The following MYO16 variants were observed in gnomAD, a reference collection of about 807,000 sequenced individuals.
MYO16 encodes unconventional myosin-XVI.
MYO16 carries 94 observed loss-of-function variants against 205.3 expected under a neutral mutation model. That is an observed-to-expected ratio of 0.46 (90% CI 0.39 to 0.54). The LOEUF (loss-of-function observed/expected upper bound fraction) is 0.54, where lower values mean the gene tolerates loss of function less well. Ranked by LOEUF, MYO16 falls within the 20% of genes least tolerant of loss-of-function variation. The probability of loss-of-function intolerance (pLI) is 0.00; values close to 1 mark genes in which losing one functional copy is unlikely to be tolerated. For synonymous variants in MYO16, 988 were observed against 954.0 expected (o/e 1.04, Z -0.66); for missense variants, 2,315 against 2,387.5 (o/e 0.97, Z 0.63).
At chr13:108,845,821 A>C (rs1432166897) in intron 10 of MYO16, among the ~76,000 whole-genome samples, 3 of 152,070 alleles carry the variant, frequency 2.0e-5, no homozygotes, top group Non-Finnish European at 4.4e-5. Flanking sequence ...GGCTCTAGTG[A>C]TGCTTCTGCC....
At chr13:108,936,109 C>CTTCCTTCT (rs1436676599) in intron 16 of MYO16, among the ~76,000 whole-genome samples, 2 of 143,292 alleles carry the variant, frequency 1.4e-5, no homozygotes, top group Non-Finnish European at 3.0e-5. Context: ...TCCTTCCTTC[C>CTTCCTTCT]TTCCTTCCTT....
chr13:108,668,799 C>T (rs115808094), intron 2 of MYO16, among the ~76,000 whole-genome samples: 1 of 152,132 alleles, frequency 6.6e-6, no homozygotes, highest in African/African-American at 2.4e-5. Context: ...CCAGAGGCAG[C>T]TCACTAGTAA....
intron 9 of MYO16, 62 bp downstream of exon 9, chr13:108,823,340 C>A: frequency 1.4e-6 from 2 of 1,478,260 alleles, no homozygotes; most frequent in South Asian, 1.3e-5. Flanking sequence ...ATTTTAGAGC[C>A]CATATTAAGT....
At chr13:109,192,052 T>G (rs970885407) in intron 34 of MYO16, among the ~76,000 whole-genome samples, 25 of 152,198 alleles carry the variant, frequency 1.6e-4, no homozygotes, top group African/African-American at 6.0e-4. Flanking sequence ...TATGCTGAAA[T>G]AGAGTCAGCT....
the MYO16 span, among the ~76,000 whole-genome samples, chr13:108,496,556 C>A: frequency 3.3e-5 from 5 of 152,186 alleles, no homozygotes; most frequent in African/African-American, 1.2e-4. Context: ...CGGGGGGCGT[C>A]GAGCCTCAGC....
chr13:108,579,858 T>C, the MYO16 span, among the ~76,000 whole-genome samples: 82 of 152,320 alleles, frequency 5.4e-4, 1 homozygote, highest in Non-Finnish European at 9.3e-4. Flanking sequence ...TTAATGCATA[T>C]AGCTGGCCAC....
At position 109,144,251 on chromosome 13, in the gene MYO16, G is replaced by A. The variant is rs550986827; in HGVS notation, c.5164+2875G>A. 1.2e-4 allele frequency among the ~76,000 whole-genome samples: 19 copies of A among 152,174 alleles called. No homozygotes were observed. In the South Asian group the frequency reaches 3.9e-3, roughly 32 times the overall value. ...GCTGGTCTTGAACTCCTGACCTCAG[G>A]TGATCTGCCCGCCTCAGCCTCCCAA... On this transcript the variant is annotated intron_variant, in intron 32 of 34. Transcript: ENST00000457511.
intron 4 of MYO16, among the ~76,000 whole-genome samples, chr13:108,749,626 G>A (rs2139631849): frequency 6.6e-6 from 1 of 152,324 alleles, no homozygotes; most frequent in African/African-American, 2.4e-5. Context: ...CAAACCTAGT[G>A]AGACATTCAG....
chr13:108,620,311 A>C (rs1879492872), intron 1 of MYO16, among the ~76,000 whole-genome samples: 1 of 152,202 alleles, frequency 6.6e-6, no homozygotes, highest in Non-Finnish European at 1.5e-5. Context: ...CTGAATATTT[A>C]TTCTGGAAAT....
chr13:108,720,291 G>A (rs761988644), intron 3 of MYO16, among the ~76,000 whole-genome samples: 4 of 152,190 alleles, frequency 2.6e-5, no homozygotes, highest in Admixed American at 6.5e-5. Context: ...CCGGTCTGCG[G>A]TATTGCTGTT....
At chr13:108,591,209 C>T (rs866262242), upstream of MYO16, among the ~76,000 whole-genome samples, 4 of 152,262 alleles carry the variant, frequency 2.6e-5, 1 homozygote, top group Middle Eastern at 0.01. Context: ...GTCTGTCCTG[C>T]AGTCTGAGAA....
Position 108,910,117 on chromosome 13 carries a change from A to G in MYO16, c.1892A>G (p.Tyr631Cys), listed in dbSNP as rs753849129. ...GATGGGTTATCTGCTGAAGAAAAATATGGACTTCATCTTAATAATTTATGT... is the reference window on the plus strand; with the variant it reads ...GATGGGTTATCTGCTGAAGAAAAATGTGGACTTCATCTTAATAATTTATGT... The part of the protein sequence containing the change: ...LMDGLSAEEK[Y>C]GLHLNNLCAH... The change falls in exon 16 of 35, where the codon TAT becomes TGT. Residue 631 changes from tyrosine (Y) to cysteine (C), a missense_variant. Physicochemically the swap from Tyr to Cys is radical, Grantham distance 194. Around this residue, in one of 3 missense-constraint regions of MYO16, gnomAD observed 1,213 missense variants for 1,274.4 expected, o/e 0.95. Coordinates refer to ENST00000457511, the MANE Select transcript of MYO16 (RefSeq NM_001198950.3). 2.5e-6 allele frequency: 4 copies of G among 1,613,350 alleles called. No homozygotes were observed. Among genetic ancestry groups the G allele is most frequent in the Non-Finnish European group, 3.4e-6 (4 of 1,179,534 alleles).
At chr13:108,890,104 A>ATTTATT (rs1880094111) in intron 14 of MYO16, among the ~76,000 whole-genome samples, 1 of 94,888 alleles carries the variant, frequency 1.1e-5, no homozygotes, top group South Asian at 4.0e-4. Flanking sequence ...TAATTTTTGT[A>ATTTATT]TTTTTTTTTT....
intron 1 of MYO16, among the ~76,000 whole-genome samples, chr13:108,604,067 C>T (rs889517132): frequency 1.3e-5 from 2 of 151,988 alleles, no homozygotes; most frequent in African/African-American, 4.8e-5. Context: ...GAGAGAAATG[C>T]AAAGCTAAGG....
intron 21 of MYO16, among the ~76,000 whole-genome samples, chr13:109,000,523 A>G (rs1207065176): frequency 5.9e-5 from 9 of 152,214 alleles, no homozygotes; most frequent in African/African-American, 2.2e-4. Context: ...ATTTTGGTAG[A>G]AATTATACAT....
intron 2 of MYO16, among the ~76,000 whole-genome samples, chr13:108,697,883 T>C (rs1883150024): frequency 6.6e-6 from 1 of 152,050 alleles, no homozygotes; most frequent in Non-Finnish European, 1.5e-5. Flanking sequence ...CCACCACACC[T>C]GGCTAATTTT....
intron 6 of MYO16, among the ~76,000 whole-genome samples, chr13:108,804,969 C>T (rs973254917): frequency 2.6e-5 from 4 of 152,124 alleles, no homozygotes; most frequent in African/African-American, 2.4e-5. Flanking sequence ...AACTTGACAT[C>T]GTTAGTATCA....
intron 11 of MYO16, among the ~76,000 whole-genome samples, chr13:108,863,626 G>A (rs111348194): frequency 0.013 from 2,045 of 152,184 alleles, 51 homozygotes; most frequent in African/African-American, 0.046. Context: ...GTATTTTAAT[G>A]AGAGAGTTCA....
At position 109,127,421 on chromosome 13, in the gene MYO16, A is replaced by C. The variant is rs1469877033; in HGVS notation, c.3922A>C (p.Ser1308Arg). ...GCACTCGGTGTTCAGCATGGATGAC[A>C]GCAGCAGCCTCCCGTCTCCACGGAA... ...SLHSVFSMDDSSSLPSPRKQP... is the reference protein window; with the variant it reads ...SLHSVFSMDDRSSLPSPRKQP... The change falls in exon 31 of 35, where the codon AGC becomes CGC. Residue 1308 changes from serine to arginine, a missense_variant. By Grantham distance (110) the Ser-to-Arg change is moderately radical. This residue lies in a region of MYO16 where 1,097 missense variants were observed against 1,092.0 expected (regional missense o/e 1.00). Coordinates refer to ENST00000457511, the MANE Select transcript of MYO16 (RefSeq NM_001198950.3). The surrounding 1 kb of genome is among the most constrained non-coding windows in gnomAD (Gnocchi z 4.2). The C allele has an allele frequency of 6.2e-7, 1 of 1,614,086 alleles. No individual in the cohort carries two copies. The highest frequency in any genetic ancestry group is 1.7e-5 in the Admixed American group (1 of 60,028).
Sources: allele counts gnomAD v4.1 joint callset (sites outside exome capture counted in the v4.1 genomes callset), GRCh38; gene constraint gnomAD v4.1.1; regional missense constraint gnomAD v4.1.1; non-coding constraint Gnocchi (gnomAD v3.1); transcripts MANE v1.5; gene names NCBI Gene and HGNC (gene_info 2026-07-23, HGNC 2026-07-21).